The following ITPR2 variants were observed in gnomAD, a reference collection of about 807,000 sequenced individuals.
The protein encoded by ITPR2 is inositol 1,4,5-trisphosphate-gated calcium channel ITPR2.
Under a neutral mutation model 317.1 loss-of-function variants are expected in ITPR2, and 207 were observed. The observed-to-expected ratio is 0.65, with a 90% CI of 0.58 to 0.73. The LOEUF is 0.73. Among genes scored for constraint, ITPR2 ranks in the 30% least tolerant of loss-of-function variants. The pLI is 0.00. For synonymous variants in ITPR2, 1,156 were observed against 1,149.1 expected (o/e 1.01, Z -0.12); for missense variants, 2,613 against 3,284.0 (o/e 0.80, Z 4.99).
intron 2 of ITPR2, among the ~76,000 whole-genome samples, chr12:26,781,951 C>A (rs1490330879): frequency 7.2e-6 from 1 of 139,020 alleles, no homozygotes; most frequent in Non-Finnish European, 1.5e-5. Context: ...ATTGTGGGAC[C>A]TTGTGATCAT....
At chr12:26,629,060 A>G (rs1946687845) in intron 22 of ITPR2, among the ~76,000 whole-genome samples, 1 of 152,164 alleles carries the variant, frequency 6.6e-6, no homozygotes, top group East Asian at 1.9e-4. Flanking sequence ...TGGACAGTAA[A>G]CAATGTGGTC....
At chr12:26,806,845 C>T (rs890557066) in intron 1 of ITPR2, among the ~76,000 whole-genome samples, 1 of 152,180 alleles carries the variant, frequency 6.6e-6, no homozygotes, top group African/African-American at 2.4e-5. Flanking sequence ...CAGCCCATTG[C>T]AACCATCTTA....
chr12:26,411,359 T>C lies in ITPR2; in HGVS notation c.7360A>G (p.Lys2454Glu), dbSNP rs1940541834. The change falls in exon 52 of 57, where the codon AAG becomes GAG. Residue 2454 changes from lysine (K) to glutamate (E), a missense_variant. Lys to Glu is a moderately conservative substitution (Grantham distance 56, BLOSUM62 1). Coordinates refer to ENST00000381340, the MANE Select transcript of ITPR2 (RefSeq NM_002223.4). The part of the protein sequence containing the change: ...TLTTMMEACA[K>E]ENCSPTIPAS... Reference sequence around the variant, plus strand: ...GGAATTGTGGGTGAACAGTTCTCCTTGGCACATGCTTCCATCATGGTAGTT... The same window carrying C: ...GGAATTGTGGGTGAACAGTTCTCCTCGGCACATGCTTCCATCATGGTAGTT... The C allele has an allele frequency of 1.9e-6, 3 of 1,613,580 alleles. No individual in the cohort carries two copies. In the Admixed American group the frequency reaches 5.0e-5, roughly 27 times the overall value.
At chr12:26,684,714 C>T (rs946930244) in intron 11 of ITPR2, among the ~76,000 whole-genome samples, 3 of 152,054 alleles carry the variant, frequency 2.0e-5, no homozygotes, top group Non-Finnish European at 4.4e-5. Context: ...GCTCAGTGGC[C>T]CTCATCGTGG....
At chr12:26,589,823 A>AT (rs1945646955) in intron 32 of ITPR2, among the ~76,000 whole-genome samples, 1 of 39,152 alleles carries the variant, frequency 2.6e-5, no homozygotes, top group African/African-American at 7.5e-5. Flanking sequence ...TAAATAAATA[A>AT]ATAAATAAAC....
chr12:26,485,977 A>G (rs1565553995), intron 41 of ITPR2, 127 bp downstream of exon 41: 2 of 980,076 alleles, frequency 2.0e-6, no homozygotes, highest in East Asian at 2.4e-5. Context: ...ATTTCAGAGG[A>G]GCACTATTGC....
rs1224341420 is a variant in ITPR2, at chr12:26,715,211, T to C, written c.855+88A>G. On this transcript the variant is annotated intron_variant, in intron 8 of 56. Coordinates refer to ENST00000381340, the MANE Select transcript of ITPR2 (RefSeq NM_002223.4). ...TTCTATTTTATGATTCTATCATAAA[T>C]GATGCCTATAACAATAAAACAACAA... 8 of 1,150,294 alleles carry C rather than the reference T, an allele frequency of 7.0e-6. No homozygotes were observed. The Admixed American group carries it at 1.8e-4, about 26-fold the overall frequency. 71.3% of individuals were successfully genotyped at this position (1,150,294 alleles called of 1,614,324 possible).
chr12:26,768,577 A>AC (rs796377476), intron 2 of ITPR2, among the ~76,000 whole-genome samples: 2 of 61,904 alleles, frequency 3.2e-5, no homozygotes, highest in Non-Finnish European at 1.4e-4. Context: ...TATATAAAAA[A>AC]AAAAAAAAAA....
intron 45 of ITPR2, among the ~76,000 whole-genome samples, chr12:26,452,800 C>T (rs903442598): frequency 7.9e-5 from 12 of 152,070 alleles, no homozygotes; most frequent in East Asian, 1.9e-4. Flanking sequence ...CACCAGAAGG[C>T]GACCAAATGC....
intron 34 of ITPR2, among the ~76,000 whole-genome samples, chr12:26,566,098 AAGGTG>A (rs1944972750): frequency 9.3e-6 from 1 of 107,698 alleles, no homozygotes; most frequent in Non-Finnish European, 1.9e-5. Flanking sequence ...TGGAGAGGAG[AAGGTG>A]AGGAAAGGAG....
chr12:26,537,628 C>T (rs772365915), intron 37 of ITPR2, among the ~76,000 whole-genome samples: 9 of 152,134 alleles, frequency 5.9e-5, no homozygotes, highest in Non-Finnish European at 8.8e-5. Flanking sequence ...TTTAATTGTC[C>T]ATGAGTCCTC....
intron 45 of ITPR2, among the ~76,000 whole-genome samples, chr12:26,472,207 A>G (rs767804913): frequency 7.2e-5 from 11 of 152,226 alleles, no homozygotes; most frequent in Admixed American, 1.3e-4. Flanking sequence ...GCTTAACTCT[A>G]CACTGTCAGT....
intron 13 of ITPR2, among the ~76,000 whole-genome samples, chr12:26,678,566 T>A (rs535465422): frequency 7.2e-5 from 11 of 152,344 alleles, no homozygotes; most frequent in East Asian, 3.9e-4. Context: ...GAAAATAATA[T>A]AAATGCATTC....
chr12:26,547,766 C>G (rs1158915987), intron 37 of ITPR2, among the ~76,000 whole-genome samples: 3 of 152,186 alleles, frequency 2.0e-5, no homozygotes, highest in Non-Finnish European at 4.4e-5. Context: ...TAAATGACTT[C>G]ATTTCCCCCA....
chr12:26,372,130 G>A (rs944140620), intron 55 of ITPR2, among the ~76,000 whole-genome samples: 13 of 152,164 alleles, frequency 8.5e-5, no homozygotes, highest in African/African-American at 2.9e-4. Context: ...CTAGAGGACA[G>A]CTCCTCATCT....
At chr12:26,453,537 T>C (rs773229346) in intron 45 of ITPR2, among the ~76,000 whole-genome samples, 6 of 152,248 alleles carry the variant, frequency 3.9e-5, no homozygotes, top group Non-Finnish European at 5.9e-5. Context: ...TGAAATGATG[T>C]ACACTAGGAG....
chr12:26,535,951 A>G (rs190048568), intron 37 of ITPR2, among the ~76,000 whole-genome samples: 4 of 152,380 alleles, frequency 2.6e-5, no homozygotes, highest in Admixed American at 1.3e-4. Context: ...ATCGAAGAAC[A>G]AAAACTGTTG....
intron 55 of ITPR2, among the ~76,000 whole-genome samples, chr12:26,371,625 C>A (rs1375652156): frequency 6.6e-6 from 1 of 152,196 alleles, no homozygotes; most frequent in Non-Finnish European, 1.5e-5. Context: ...GTGAAGGGAA[C>A]AGCAGAAGCC....
intron 15 of ITPR2, among the ~76,000 whole-genome samples, chr12:26,661,375 AG>A (rs1472575568): frequency 2.0e-5 from 3 of 147,850 alleles, no homozygotes; most frequent in Non-Finnish European, 3.0e-5. Context: ...CAAGACTGAG[AG>A]GGGAGTGAGA....
Sources: allele counts gnomAD v4.1 joint callset (sites outside exome capture counted in the v4.1 genomes callset), GRCh38; gene constraint gnomAD v4.1.1; transcripts MANE v1.5; gene names NCBI Gene and HGNC (gene_info 2026-07-23, HGNC 2026-07-21).